Variants in ERC2 observed in about 807,000 individuals in gnomAD.
ERC2 encodes ELKS/RAB6-interacting/CAST family member 2, also known as ERC protein 2.
In ERC2, 42 loss-of-function variants were observed where a neutral mutation model predicts 114.8. The ratio of observed to expected loss-of-function variants is 0.37; its 90% CI spans 0.29 to 0.47. The LOEUF (loss-of-function observed/expected upper bound fraction) is 0.47, where lower values mean the gene tolerates loss of function less well. Ranked by LOEUF, ERC2 falls within the 20% of genes least tolerant of loss-of-function variation. The pLI, the probability that ERC2 is intolerant of heterozygous loss-of-function variation, is 0.99. For synonymous variants in ERC2, 454 were observed against 425.5 expected, an observed-to-expected ratio of 1.07 and a Z score of -0.82; for missense variants, 939 against 1,150.7, an observed-to-expected ratio of 0.82 and a Z score of 2.66.
chr3:56,424,346 G>A (rs141731997), intron 2 of ERC2, among the ~76,000 whole-genome samples: 2 of 152,256 alleles, frequency 1.3e-5, no homozygotes, highest in East Asian at 1.9e-4. Context: ...GAGAAAAATG[G>A]AAGATGGAAA....
At chr3:56,095,323 C>A (rs1423690745) in intron 6 of ERC2, among the ~76,000 whole-genome samples, 1 of 151,910 alleles carries the variant, frequency 6.6e-6, no homozygotes, top group Admixed American at 6.6e-5. Context: ...GGAGCCCTTT[C>A]TAAGCAAGAG....
chr3:55,641,856 A>G (rs1240895167), intron 17 of ERC2, among the ~76,000 whole-genome samples: 1 of 152,210 alleles, frequency 6.6e-6, no homozygotes, highest in Non-Finnish European at 1.5e-5. Flanking sequence ...CCATCTTACT[A>G]GCCCATTACG....
At position 55,541,254 on chromosome 3, in the gene ERC2, C is replaced by T. The variant is rs2054374833; in HGVS notation, c.*40-29978G>A. 2.6e-5 allele frequency among the ~76,000 whole-genome samples: 4 copies of T among 152,120 alleles called. No homozygotes were observed. The South Asian group carries it at 6.2e-4, about 24-fold the overall frequency. On this transcript the variant is annotated intron_variant, in intron 17 of 17. Coordinates refer to ENST00000288221, the MANE Select transcript of ERC2 (RefSeq NM_015576.3). ...TGTACAAGGTTGCTAATTTTTTTGGCCAGAACTTCAAATTCCATGCTTTTA... is the reference window on the plus strand; with the variant it reads ...TGTACAAGGTTGCTAATTTTTTTGGTCAGAACTTCAAATTCCATGCTTTTA...
At chr3:56,336,422 C>T (rs988190650) in intron 2 of ERC2, among the ~76,000 whole-genome samples, 1 of 152,186 alleles carries the variant, frequency 6.6e-6, no homozygotes, top group African/African-American at 2.4e-5. Flanking sequence ...TCTTTTTAAA[C>T]AATGCCTATA....
chr3:55,859,223 G>C (rs1272019131), intron 14 of ERC2, among the ~76,000 whole-genome samples: 3 of 152,252 alleles, frequency 2.0e-5, no homozygotes, highest in South Asian at 2.1e-4. Context: ...TTCCTGGATG[G>C]GGGCTCACAG....
At chr3:56,159,219 C>CT (rs2081919389) in intron 4 of ERC2, among the ~76,000 whole-genome samples, 1 of 152,142 alleles carries the variant, frequency 6.6e-6, no homozygotes, top group Non-Finnish European at 1.5e-5. Context: ...ATCATGCTTC[C>CT]TCTACAGCCT....
chr3:56,054,364 G>C (rs2149692053), intron 7 of ERC2, among the ~76,000 whole-genome samples: 1 of 152,262 alleles, frequency 6.6e-6, no homozygotes, highest in East Asian at 1.9e-4. Context: ...TCCAGAGATA[G>C]CTCCATTTCA....
chr3:55,708,559 C>T (rs1393920675), intron 15 of ERC2, among the ~76,000 whole-genome samples: 1 of 152,178 alleles, frequency 6.6e-6, no homozygotes, highest in African/African-American at 2.4e-5. Context: ...GTAAACAACA[C>T]ATATTTTATG....
chr3:56,223,100 C>T (rs1172065993), intron 3 of ERC2, among the ~76,000 whole-genome samples: 5 of 152,216 alleles, frequency 3.3e-5, no homozygotes, highest in Admixed American at 3.3e-4. Context: ...CACTTCCCTC[C>T]CAAAAACAGG....
intron 3 of ERC2, among the ~76,000 whole-genome samples, chr3:56,261,366 C>A (rs2052912909): frequency 6.6e-6 from 1 of 152,222 alleles, no homozygotes; most frequent in African/African-American, 2.4e-5. Flanking sequence ...ACGGCTCTAT[C>A]TACACTGTCT....
intron 2 of ERC2, among the ~76,000 whole-genome samples, chr3:56,409,284 A>G (rs2060848021): frequency 6.6e-6 from 1 of 152,122 alleles, no homozygotes; most frequent in Admixed American, 6.5e-5. Flanking sequence ...TTTGTTTTAT[A>G]TTTAAAAAAA....
At chr3:55,874,845 C>T (rs949809587) in intron 14 of ERC2, among the ~76,000 whole-genome samples, 2 of 152,102 alleles carry the variant, frequency 1.3e-5, no homozygotes, top group East Asian at 1.9e-4. Flanking sequence ...TCAATCCCAG[C>T]GACACTGGGA....
Position 56,296,123 on chromosome 3 carries a change from C to A in ERC2, c.970G>T (p.Asp324Tyr), listed in dbSNP as rs1452672620. The A allele has an allele frequency of 1.2e-6, 2 of 1,614,014 alleles. No homozygotes were observed. Among genetic ancestry groups the A allele is most frequent in the Non-Finnish European group, 1.7e-6 (2 of 1,179,886 alleles). Residue 324 changes from aspartate to tyrosine, a missense_variant, in exon 3 of 18, where the codon GAT (aspartate) becomes TAT (tyrosine). By Grantham distance (160) the Asp-to-Tyr change is radical (BLOSUM62 -3). This residue lies in a region of ERC2 where 148 missense variants were observed against 159.1 expected (regional missense o/e 0.93). Transcript: ENST00000288221. ...SKGLPSKSLE[D>Y]DNERTRRMAE... ...ATCCGCCGCGTTCGCTCATTGTCAT[C>A]CTCCAGGCTTTTGGATGGCAAGCCT...
Position 56,195,500 on chromosome 3 carries a change from C to CGTGTGT in ERC2, c.1075-21986_1075-21981dup, listed in dbSNP as rs112067114. 7.8e-3 allele frequency among the ~76,000 whole-genome samples: 1,176 copies of CGTGTGT among 149,938 alleles called. 17 individuals carry two copies. The highest frequency in any genetic ancestry group is 0.024 in the African/African-American group (961 of 40,744). On this transcript the variant is annotated intron_variant, in intron 3 of 17. Coordinates refer to ENST00000288221, the MANE Select transcript of ERC2 (RefSeq NM_015576.3). ...GGATGTGTTTGTGTGTGCGTGTGTG[C>CGTGTGT]GTGTGTGTGTGTGTGTGTGTTCTCT... is the stretch of plus-strand genomic sequence containing the variant.
intron 14 of ERC2, among the ~76,000 whole-genome samples, chr3:55,873,404 G>T (rs1663502035): frequency 2.0e-5 from 3 of 152,182 alleles, no homozygotes; most frequent in Admixed American, 2.0e-4. Context: ...TGCCCGAAAT[G>T]TAAAATAGAG....
At chr3:56,379,899 C>A (rs1267992397) in intron 2 of ERC2, among the ~76,000 whole-genome samples, 1 of 152,132 alleles carries the variant, frequency 6.6e-6, no homozygotes, top group Non-Finnish European at 1.5e-5. Context: ...TAAGAACTAA[C>A]ATATTTGGAG....
chr3:55,672,582 A>G (rs913605761), intron 17 of ERC2, among the ~76,000 whole-genome samples: 13 of 152,152 alleles, frequency 8.5e-5, no homozygotes, highest in African/African-American at 3.1e-4. Context: ...TCAGATGAAA[A>G]TCAGGGACAC....
chr3:56,178,770 CCAG>C (rs1422434155), intron 3 of ERC2, among the ~76,000 whole-genome samples: 1 of 151,630 alleles, frequency 6.6e-6, no homozygotes, highest in Non-Finnish European at 1.5e-5. Flanking sequence ...ATTCCAGATT[CCAG>C]TGGAGGAAAA....
intron 4 of ERC2, among the ~76,000 whole-genome samples, chr3:56,170,965 C>A (rs998849804): frequency 6.6e-6 from 1 of 151,936 alleles, no homozygotes; most frequent in African/African-American, 2.4e-5. Flanking sequence ...CGGGGTTTCA[C>A]CGTGTTAGTC....
Sources: gnomAD v4.1 joint callset for allele counts (sites outside exome capture counted in the v4.1 genomes callset) on GRCh38, gnomAD v4.1.1 for gene constraint, gnomAD v4.1.1 regional missense constraint, MANE v1.5 for transcripts, NCBI Gene and HGNC (gene_info 2026-07-23, HGNC 2026-07-21) for gene names.